Variants in TENM3 observed in about 807,000 individuals in gnomAD.
TENM3 encodes the protein teneurin transmembrane protein 3, also known as teneurin-3.
Under a neutral mutation model 255.1 loss-of-function variants are expected in TENM3, and 63 were observed. That is an observed-to-expected ratio of 0.25 (90% CI 0.20 to 0.30). The LOEUF (loss-of-function observed/expected upper bound fraction) is 0.30. TENM3 is among the 10% of genes least tolerant of loss of function. The pLI is 1.00. For synonymous variants in TENM3, 1,306 were observed against 1,322.3 expected (o/e 0.99, Z 0.27); for missense variants, 2,929 against 3,461.1 (o/e 0.85, Z 3.86).
intron 3 of TENM3, among the ~76,000 whole-genome samples, chr4:182,560,071 T>TA (rs989190060): frequency 2.7e-5 from 4 of 150,396 alleles, no homozygotes; most frequent in East Asian, 1.9e-4. Flanking sequence ...AATTAAAAAT[T>TA]AAAAAAAGGT....
chr4:182,021,741 A>T, the TENM3 span, among the ~76,000 whole-genome samples: 239 of 152,336 alleles, frequency 1.6e-3, 1 homozygote, highest in African/African-American at 5.5e-3. Flanking sequence ...TAAACAAATG[A>T]ATGAATAAAT....
intron 3 of TENM3, among the ~76,000 whole-genome samples, chr4:182,383,652 G>A (rs1052867196): frequency 3.3e-5 from 5 of 151,620 alleles, no homozygotes; most frequent in South Asian, 2.1e-4. Context: ...TGGAATCCTC[G>A]GTGTCTTATT....
chr4:182,235,578 C>CGGGA (rs545054678), intron 1 of TENM3, among the ~76,000 whole-genome samples: 68 of 152,130 alleles, frequency 4.5e-4, no homozygotes, highest in Non-Finnish European at 8.5e-4. Context: ...CATGTACACA[C>CGGGA]GGGAGCCATC....
intron 4 of TENM3, 146 bp downstream of exon 4, chr4:182,601,307 GT>G: frequency 1.5e-6 from 1 of 687,600 alleles, no homozygotes; most frequent in Non-Finnish European, 2.4e-6. Context: ...GTTCCAGATT[GT>G]TGTGATTTTT....
At chr4:182,450,318 A>G (rs1358952264) in intron 3 of TENM3, among the ~76,000 whole-genome samples, 1 of 152,244 alleles carries the variant, frequency 6.6e-6, no homozygotes, top group Admixed American at 6.5e-5. Flanking sequence ...CATTTAAGAA[A>G]TCAGCTAACT....
chr4:181,675,666 G>C, the TENM3 span, among the ~76,000 whole-genome samples: 1 of 152,056 alleles, frequency 6.6e-6, no homozygotes, highest in African/African-American at 2.4e-5. Context: ...TTTCTCTTGC[G>C]TGTGGCCATC....
At chr4:182,447,581 C>T (rs1269490508) in intron 3 of TENM3, among the ~76,000 whole-genome samples, 1 of 152,158 alleles carries the variant, frequency 6.6e-6, no homozygotes, top group Non-Finnish European at 1.5e-5. Flanking sequence ...TTGCAGTCTG[C>T]TAATCTTACT....
intron 3 of TENM3, among the ~76,000 whole-genome samples, chr4:182,555,895 G>C (rs1202913879): frequency 2.0e-5 from 3 of 151,562 alleles, no homozygotes; most frequent in African/African-American, 7.3e-5. Flanking sequence ...AGGTCCTGAG[G>C]CCTCTGGAAT....
chr4:182,100,550 CACAT>C, the TENM3 span, among the ~76,000 whole-genome samples: 13 of 136,670 alleles, frequency 9.5e-5, no homozygotes, highest in Admixed American at 8.7e-4. Context: ...TATATACACA[CACAT>C]ATATATACAC....
the TENM3 span, among the ~76,000 whole-genome samples, chr4:181,706,855 C>A: frequency 6.6e-6 from 1 of 152,310 alleles, no homozygotes; most frequent in Admixed American, 6.5e-5. Context: ...AGTGTTCTGA[C>A]ATTTGTTAGC....
At chr4:182,594,784 A>G (rs920648537) in intron 3 of TENM3, among the ~76,000 whole-genome samples, 1 of 149,118 alleles carries the variant, frequency 6.7e-6, no homozygotes. Context: ...CAGTGGCGTG[A>G]TCTCAGCTCA....
At chr4:182,153,739 A>G (rs539997822) in intron 1 of TENM3, among the ~76,000 whole-genome samples, 3 of 152,154 alleles carry the variant, frequency 2.0e-5, no homozygotes, top group Non-Finnish European at 4.4e-5. Flanking sequence ...ATTGTACTTC[A>G]GATGGGAATC....
chr4:182,148,393 C>A (rs2149568340), intron 1 of TENM3, among the ~76,000 whole-genome samples: 1 of 152,090 alleles, frequency 6.6e-6, no homozygotes. Flanking sequence ...CTATTGGGGA[C>A]CTAATTTGAA....
intron 13 of TENM3, among the ~76,000 whole-genome samples, chr4:182,720,789 C>T (rs1462972820): frequency 1.9e-5 from 2 of 107,072 alleles, no homozygotes; most frequent in Non-Finnish European, 4.1e-5. Context: ...TTTTTTGAGA[C>T]AGAGTCTTGC....
At chr4:181,966,197 G>C in the TENM3 span, among the ~76,000 whole-genome samples, 1 of 152,028 alleles carries the variant, frequency 6.6e-6, no homozygotes, top group African/African-American at 2.4e-5. Context: ...TCTCAGAAGG[G>C]GTGTGACTGG....
chr4:181,611,236 G>A, the TENM3 span, among the ~76,000 whole-genome samples: 2 of 152,128 alleles, frequency 1.3e-5, no homozygotes, highest in African/African-American at 2.4e-5. Context: ...TTTATCTTTG[G>A]AAGAATAATT....
chr4:181,681,316 G>A, the TENM3 span, among the ~76,000 whole-genome samples: 194 of 151,868 alleles, frequency 1.3e-3, no homozygotes, highest in Admixed American at 3.5e-3. Flanking sequence ...ACATTTCACC[G>A]GACCTTGATT....
the TENM3 span, among the ~76,000 whole-genome samples, chr4:181,451,134 C>T: frequency 3.9e-5 from 6 of 152,090 alleles, no homozygotes; most frequent in Middle Eastern, 3.4e-3. Flanking sequence ...GTGGGGGTTA[C>T]GTAGAGGATG....
chr4:181,712,796 C>A, the TENM3 span, among the ~76,000 whole-genome samples: 1 of 152,140 alleles, frequency 6.6e-6, no homozygotes, highest in Non-Finnish European at 1.5e-5. Context: ...CAAAATTTCT[C>A]TTTTAAAAAT....
Sources: allele counts gnomAD v4.1 joint callset (sites outside exome capture counted in the v4.1 genomes callset), GRCh38; gene constraint gnomAD v4.1.1; transcripts MANE v1.5; gene names NCBI Gene and HGNC (gene_info 2026-07-23, HGNC 2026-07-21).